The following COG7 variants were observed in gnomAD, a reference collection of about 807,000 sequenced individuals.
The protein encoded by COG7 is conserved oligomeric Golgi complex subunit 7.
In COG7, 49 loss-of-function variants were observed where a neutral mutation model predicts 91.5. That is an observed-to-expected ratio of 0.54 (90% CI 0.43 to 0.68). The LOEUF is 0.68. Ranked by LOEUF, COG7 falls within the 30% of genes least tolerant of loss-of-function variation. COG7 has a pLI of 0.00. For synonymous variants in COG7, 365 were observed against 388.7 expected, an observed-to-expected ratio of 0.94 and a Z score of 0.72; for missense variants, 895 against 961.3, an observed-to-expected ratio of 0.93 and a Z score of 0.91.
intron 6 of COG7, 61 bp from the exon 7 acceptor site, chr16:23,425,008 T>C: frequency 1.4e-6 from 2 of 1,465,936 alleles, no homozygotes; most frequent in South Asian, 1.2e-5. Flanking sequence ...GCCCACCTTT[T>C]TTAAAAAACT....
chr16:23,396,506 C>T (rs1331635390), intron 14 of COG7, among the ~76,000 whole-genome samples: 1 of 151,906 alleles, frequency 6.6e-6, no homozygotes, highest in Non-Finnish European at 1.5e-5. Flanking sequence ...TGACGAAACC[C>T]TGTATCTACT....
rs536695868 is a variant in COG7, at chr16:23,431,641, T to A, written c.810+1904A>T. On this transcript the variant is annotated intron_variant, in intron 6 of 16. Coordinates refer to ENST00000307149, the MANE Select transcript of COG7 (RefSeq NM_153603.4). ...CCAGCCAACATGGTGAAACCCCATCTGTACTAAAAACACAAAAATTAGCTG... is the reference window on the plus strand; with the variant it reads ...CCAGCCAACATGGTGAAACCCCATCAGTACTAAAAACACAAAAATTAGCTG... Among the ~76,000 whole-genome samples the A allele has an allele frequency of 2.0e-3, 298 of 151,622 alleles. 2 individuals carry two copies. Among genetic ancestry groups the A allele is most frequent in the Non-Finnish European group, 3.1e-3 (213 of 67,906 alleles).
At chr16:23,417,260 C>T (rs1963672251) in intron 8 of COG7, 139 bp from the exon 9 acceptor site, 3 of 859,940 alleles carry the variant, frequency 3.5e-6, no homozygotes, top group African/African-American at 1.7e-5. Context: ...CGTTTGAATG[C>T]TTCTCTAGAG....
chr16:23,404,834 C>A (rs1321356141), intron 12 of COG7, among the ~76,000 whole-genome samples: 4 of 152,188 alleles, frequency 2.6e-5, no homozygotes, highest in Non-Finnish European at 5.9e-5. Flanking sequence ...GCAGAAGAAA[C>A]GCTTGAAGCG....
intron 4 of COG7, 94 bp from the exon 5 acceptor site, chr16:23,434,812 T>G: frequency 1.2e-6 from 1 of 817,364 alleles, no homozygotes; most frequent in Non-Finnish European, 2.1e-6. Context: ...ATATGGAAGC[T>G]AGTATTCACA....
chr16:23,411,572 G>A (rs987481615), intron 10 of COG7, among the ~76,000 whole-genome samples: 1 of 152,124 alleles, frequency 6.6e-6, no homozygotes, highest in Non-Finnish European at 1.5e-5. Flanking sequence ...ATAGGTAAAC[G>A]TGTGTCATCG....
intron 9 of COG7, chr16:23,414,910 C>G (rs1963628316): frequency 6.6e-6 from 1 of 152,246 alleles, no homozygotes; most frequent in African/African-American, 2.4e-5. Flanking sequence ...TTGCCCCTCC[C>G]AAAACGAAGC....
intron 9 of COG7, 107 bp downstream of exon 9, chr16:23,416,860 C>T (rs1460611644): frequency 3.1e-6 from 4 of 1,303,830 alleles, no homozygotes; most frequent in African/African-American, 1.5e-5. Context: ...GGTTCAGGTG[C>T]AAGTGTTTCC....
intron 4 of COG7, among the ~76,000 whole-genome samples, chr16:23,438,123 G>T (rs1157307568): frequency 6.7e-6 from 1 of 149,748 alleles, no homozygotes; most frequent in Non-Finnish European, 1.5e-5. Flanking sequence ...GGCATCAAAA[G>T]ATTTTATCAA....
In COG7 at chr16:23,442,769, T is replaced by C. The variant is rs1964122230; in HGVS notation, c.436-124A>G. On this transcript the variant is annotated intron_variant, in intron 3 of 16. Coordinates refer to ENST00000307149, the MANE Select transcript of COG7 (RefSeq NM_153603.4). ...AAAATGGGGCTGGGCATCGTGGTGG[T>C]TCATGCCTGTAATCCCAGCACTTTC... 8.1e-6 allele frequency: 7 copies of C among 860,274 alleles called. No individual in the cohort carries two copies. The South Asian group carries it at 8.2e-5, about 10-fold the overall frequency. 53.3% of individuals were successfully genotyped at this position (860,274 alleles called of 1,614,324 possible).
chr16:23,399,019 A>G (rs1235257340), intron 13 of COG7, among the ~76,000 whole-genome samples: 2 of 152,186 alleles, frequency 1.3e-5, no homozygotes, highest in African/African-American at 4.8e-5. Context: ...CCAGCCCTGG[A>G]AAACAAGGCC....
chr16:23,393,622 A>G (rs560732128), intron 14 of COG7: 21 of 458,746 alleles, frequency 4.6e-5, no homozygotes, highest in Middle Eastern at 6.3e-4. Context: ...CCAATGAAGT[A>G]ATGGATATCA....
chr16:23,417,255 G>A (rs1383026950), intron 8 of COG7, 134 bp from the exon 9 acceptor site: 3 of 905,702 alleles, frequency 3.3e-6, no homozygotes, highest in Non-Finnish European at 5.3e-6. Context: ...CCCAACGTTT[G>A]AATGCTTCTC....
At chr16:23,417,307 G>A (rs1179602394) in intron 8 of COG7, 186 bp from the exon 9 acceptor site, 2 of 641,768 alleles carry the variant, frequency 3.1e-6, no homozygotes, top group Non-Finnish European at 2.8e-6. Context: ...TCATCAGTGG[G>A]ATCATGGAAA....
chr16:23,410,946 A>G (rs1963552557), intron 10 of COG7, among the ~76,000 whole-genome samples: 1 of 152,168 alleles, frequency 6.6e-6, no homozygotes, highest in Admixed American at 6.5e-5. Context: ...ACCTTAAGTG[A>G]TCCGCCTGCC....
intron 4 of COG7, among the ~76,000 whole-genome samples, chr16:23,435,321 C>T (rs980256038): frequency 3.3e-5 from 5 of 151,964 alleles, no homozygotes; most frequent in African/African-American, 9.7e-5. Context: ...GAGCCAAGAT[C>T]GCGCCACTGC....
At chr16:23,401,757 GA>G (rs1181335344) in intron 13 of COG7, among the ~76,000 whole-genome samples, 49 of 144,504 alleles carry the variant, frequency 3.4e-4, no homozygotes, top group Middle Eastern at 3.5e-3. Context: ...CTTTCGTGGA[GA>G]AAAAAAAAAA....
Position 23,388,903 on chromosome 16 carries a change from T to C in COG7, c.*17A>G, listed in dbSNP as rs754263147. On this transcript the variant is annotated 3_prime_UTR_variant, in exon 17 of 17. Transcript: ENST00000307149. ...ACAGCAGCCCTGGCTCTCTTGGTGG[T>C]CCGGTGTGTGGTGGGGTCAGTAATT... 7 of 1,613,774 alleles carry C rather than the reference T, an allele frequency of 4.3e-6. No homozygotes were observed. In the East Asian group the frequency reaches 1.6e-4, roughly 36 times the overall value.
intron 13 of COG7, among the ~76,000 whole-genome samples, chr16:23,402,257 C>T (rs1017905089): frequency 1.3e-5 from 2 of 152,066 alleles, no homozygotes; most frequent in Admixed American, 6.6e-5. Context: ...CATGTATAGG[C>T]GTGCAGAAAG....
Sources: allele counts gnomAD v4.1 joint callset (sites outside exome capture counted in the v4.1 genomes callset), GRCh38; gene constraint gnomAD v4.1.1; transcripts MANE v1.5; gene names NCBI Gene and HGNC (gene_info 2026-07-23, HGNC 2026-07-21).